The following SMARCC1 variants were observed in gnomAD, a reference collection of about 807,000 sequenced individuals.
SMARCC1 encodes the protein SWI/SNF related BAF chromatin remodeling complex subunit C1.
A neutral mutation model predicts 147.4 loss-of-function variants in SMARCC1; 43 were observed. The observed-to-expected ratio is 0.29, with a 90% CI of 0.23 to 0.38. The LOEUF (loss-of-function observed/expected upper bound fraction) is 0.38. SMARCC1 is among the 10% of genes least tolerant of loss of function. SMARCC1 has a pLI of 1.00. For synonymous variants in SMARCC1, 495 were observed against 484.4 expected, an observed-to-expected ratio of 1.02 and a Z score of -0.29; for missense variants, 1,119 against 1,381.1, an observed-to-expected ratio of 0.81 and a Z score of 3.01.
intron 21 of SMARCC1, among the ~76,000 whole-genome samples, chr3:47,645,787 C>T (rs1416906792): frequency 2.0e-5 from 3 of 152,160 alleles, no homozygotes; most frequent in Non-Finnish European, 4.4e-5. Context: ...GGATGACACA[C>T]CCACTTTCTG....
intron 9 of SMARCC1, among the ~76,000 whole-genome samples, chr3:47,708,083 C>CTTTTTTCT (rs2034032931): frequency 3.1e-5 from 2 of 64,278 alleles, no homozygotes; most frequent in African/African-American, 1.3e-4. Flanking sequence ...AATTTTTTTT[C>CTTTTTTCT]TTTTTTTTTT....
At chr3:47,697,637 T>C (rs534678825) in intron 11 of SMARCC1, among the ~76,000 whole-genome samples, 5 of 146,616 alleles carry the variant, frequency 3.4e-5, no homozygotes, top group Non-Finnish European at 6.0e-5. Context: ...AAAAAAAAAA[T>C]TCCAAACTCA....
intron 21 of SMARCC1, among the ~76,000 whole-genome samples, chr3:47,655,084 TA>T (rs1179651808): frequency 6.6e-6 from 1 of 152,160 alleles, no homozygotes; most frequent in Non-Finnish European, 1.5e-5. Flanking sequence ...TGCAAACTCA[TA>T]AAAAATGGTA....
At chr3:47,690,074 T>C (rs1175105815) in intron 12 of SMARCC1, among the ~76,000 whole-genome samples, 1 of 152,160 alleles carries the variant, frequency 6.6e-6, no homozygotes, top group Non-Finnish European at 1.5e-5. Context: ...GAACATGGGA[T>C]GCTGGGTGCA....
At chr3:47,697,302 CTTT>C (rs763264887) in intron 11 of SMARCC1, among the ~76,000 whole-genome samples, 2 of 134,412 alleles carry the variant, frequency 1.5e-5, no homozygotes, top group African/African-American at 2.7e-5. Flanking sequence ...GAGATCCTGA[CTTT>C]TTTTTTTTTT....
chr3:47,679,027 G>A (rs1201900458), intron 15 of SMARCC1, among the ~76,000 whole-genome samples: 2 of 152,114 alleles, frequency 1.3e-5, no homozygotes, highest in African/African-American at 2.4e-5. Context: ...CAAAAATGGA[G>A]AGAGAAATTG....
At chr3:47,758,748 G>A (rs1177612800) in intron 2 of SMARCC1, among the ~76,000 whole-genome samples, 1 of 152,120 alleles carries the variant, frequency 6.6e-6, no homozygotes, top group South Asian at 2.1e-4. Context: ...TAGAAACAGG[G>A]TGTTGGCCGG....
At chr3:47,624,694 CAA>C (rs2032782730) in intron 24 of SMARCC1, among the ~76,000 whole-genome samples, 2 of 151,980 alleles carry the variant, frequency 1.3e-5, no homozygotes, top group African/African-American at 2.4e-5. Flanking sequence ...ACCTTAGATT[CAA>C]AAGTCACAGA....
intron 14 of SMARCC1, among the ~76,000 whole-genome samples, chr3:47,683,896 CAAA>C (rs1413706367): frequency 1.3e-5 from 2 of 151,678 alleles, no homozygotes; most frequent in African/African-American, 4.9e-5. Flanking sequence ...CACAGACAAA[CAAA>C]AAGACAAACA....
At chr3:47,711,428 A>G (rs992948266) in intron 8 of SMARCC1, among the ~76,000 whole-genome samples, 3 of 152,234 alleles carry the variant, frequency 2.0e-5, no homozygotes, top group Non-Finnish European at 4.4e-5. Flanking sequence ...CCTAACCCAT[A>G]TAACATTCCA....
intron 22 of SMARCC1, among the ~76,000 whole-genome samples, chr3:47,637,136 A>C (rs532008328): frequency 3.2e-4 from 48 of 152,210 alleles, no homozygotes; most frequent in Admixed American, 1.7e-3. Context: ...CAGCCTCCCA[A>C]GTGATCCTAC....
At chr3:47,696,058 C>A (rs972327553) in intron 11 of SMARCC1, among the ~76,000 whole-genome samples, 2 of 109,660 alleles carry the variant, frequency 1.8e-5, no homozygotes, top group Non-Finnish European at 3.5e-5. Flanking sequence ...CTGAGCAAGA[C>A]GCTGTCTCAA....
intron 1 of SMARCC1, among the ~76,000 whole-genome samples, chr3:47,776,469 T>G (rs1440287683): frequency 1.3e-5 from 2 of 151,852 alleles, no homozygotes; most frequent in Admixed American, 1.3e-4. Context: ...CCAGGCAGAG[T>G]GGCACACACC....
chr3:47,710,553 G>A, intron 9 of SMARCC1, 130 bp downstream of exon 9: 1 of 844,182 alleles, frequency 1.2e-6, no homozygotes, highest in East Asian at 2.8e-5. Context: ...TCACCTGATG[G>A]CACATCAGCC....
intron 24 of SMARCC1, among the ~76,000 whole-genome samples, chr3:47,628,812 C>T (rs768957201): frequency 9.2e-5 from 14 of 152,104 alleles, no homozygotes; most frequent in Non-Finnish European, 1.3e-4. Flanking sequence ...TCAAATGATC[C>T]GCCCACCTCG....
intron 26 of SMARCC1, among the ~76,000 whole-genome samples, chr3:47,601,507 C>A (rs888040897): frequency 6.6e-6 from 1 of 152,098 alleles, no homozygotes; most frequent in African/African-American, 2.4e-5. Context: ...GCCTTCCCCA[C>A]AGCAGCTTCC....
chr3:47,655,262 G>A (rs1305232279), intron 21 of SMARCC1, among the ~76,000 whole-genome samples: 3 of 152,148 alleles, frequency 2.0e-5, no homozygotes, highest in African/African-American at 7.2e-5. Flanking sequence ...GCCAGCAATG[G>A]TGTCATGTGC....
At chr3:47,701,921 C>T (rs1344930942) in intron 10 of SMARCC1, among the ~76,000 whole-genome samples, 2 of 151,856 alleles carry the variant, frequency 1.3e-5, no homozygotes, top group Non-Finnish European at 2.9e-5. Flanking sequence ...AGTTAACAGG[C>T]ATAAAAAATG....
intron 24 of SMARCC1, among the ~76,000 whole-genome samples, chr3:47,633,473 G>A (rs1440829485): frequency 1.3e-5 from 2 of 151,898 alleles, no homozygotes; most frequent in African/African-American, 4.8e-5. Context: ...GCCGGGCATG[G>A]TGTCTCATGC....
Sources: gnomAD v4.1 joint callset for allele counts (sites outside exome capture counted in the v4.1 genomes callset) on GRCh38, gnomAD v4.1.1 for gene constraint, MANE v1.5 for transcripts, NCBI Gene and HGNC (gene_info 2026-07-23, HGNC 2026-07-21) for gene names.